PAX5: variants seen among roughly 807,000 people sequenced by gnomAD.
PAX5 encodes paired box 5.
Under a neutral mutation model 43.7 loss-of-function variants are expected in PAX5, and 9 were observed. That is an observed-to-expected ratio of 0.21 (90% confidence interval 0.12 to 0.36). The LOEUF (loss-of-function observed/expected upper bound fraction) is 0.36, where lower values mean the gene tolerates loss of function less well. Ranked by LOEUF, PAX5 falls within the 10% of genes least tolerant of loss-of-function variation. The pLI is 1.00. For missense variants in PAX5, 383 were observed against 532.7 expected, an observed-to-expected ratio of 0.72 and a Z score of 2.77; for synonymous variants, 228 against 214.3, an observed-to-expected ratio of 1.06 and a Z score of -0.56.
intron 6 of PAX5, among the ~76,000 whole-genome samples, chr9:36,965,686 C>G (rs1834365478): frequency 6.6e-6 from 1 of 152,192 alleles, no homozygotes; most frequent in Non-Finnish European, 1.5e-5. Flanking sequence ...CCACTAGTAC[C>G]AGCGAGGAAA....
At chr9:36,858,662 C>T (rs926265889) in intron 8 of PAX5, among the ~76,000 whole-genome samples, 1 of 152,316 alleles carries the variant, frequency 6.6e-6, no homozygotes, top group East Asian at 1.9e-4. Flanking sequence ...CTATTACTGG[C>T]TCCCAGCCTC....
At chr9:36,966,157 C>T (rs938639896) in intron 6 of PAX5, among the ~76,000 whole-genome samples, 5 of 152,224 alleles carry the variant, frequency 3.3e-5, no homozygotes, top group African/African-American at 1.2e-4. Context: ...GCCGGTGAGC[C>T]CCCAGGCCGC....
chr9:36,920,206 A>G (rs1830053542), intron 7 of PAX5, among the ~76,000 whole-genome samples: 1 of 152,276 alleles, frequency 6.6e-6, no homozygotes, highest in South Asian at 2.1e-4. Flanking sequence ...AATATTCCAT[A>G]AACTTAGTTG....
At chr9:37,023,382 G>C (rs1460468645) in intron 1 of PAX5, among the ~76,000 whole-genome samples, 1 of 152,172 alleles carries the variant, frequency 6.6e-6, no homozygotes, top group Admixed American at 6.5e-5. Context: ...CCAAGTCCCA[G>C]CCTGTACTTC....
chr9:36,873,841 C>G (rs1442373302), intron 8 of PAX5, among the ~76,000 whole-genome samples: 1 of 152,170 alleles, frequency 6.6e-6, no homozygotes, highest in Non-Finnish European at 1.5e-5. Flanking sequence ...AAAAGGTGGC[C>G]CTCTGAATCC....
At chr9:36,961,986 C>T (rs541188697) in intron 6 of PAX5, among the ~76,000 whole-genome samples, 95 of 152,336 alleles carry the variant, frequency 6.2e-4, no homozygotes, top group African/African-American at 2.2e-3. Flanking sequence ...AACATTAACG[C>T]CTTCCACCCA....
chr9:36,909,562 G>C (rs567900909), intron 7 of PAX5, among the ~76,000 whole-genome samples: 2 of 152,202 alleles, frequency 1.3e-5, no homozygotes, highest in African/African-American at 4.8e-5. Context: ...TGTTGGGCAG[G>C]AATGAAGGTA....
chr9:36,968,288 C>T (rs924924446), intron 5 of PAX5, among the ~76,000 whole-genome samples: 2 of 152,236 alleles, frequency 1.3e-5, no homozygotes, highest in African/African-American at 4.8e-5. Flanking sequence ...AGCTCCCACC[C>T]ATGTGAGGAA....
At chr9:36,887,891 T>C (rs1360678813) in intron 7 of PAX5, among the ~76,000 whole-genome samples, 1 of 152,010 alleles carries the variant, frequency 6.6e-6, no homozygotes. Flanking sequence ...ATAAAGGACT[T>C]GTATCTAGAA....
chr9:36,994,136 C>T (rs1837188462), intron 5 of PAX5, among the ~76,000 whole-genome samples: 1 of 152,194 alleles, frequency 6.6e-6, no homozygotes, highest in South Asian at 2.1e-4. Context: ...CCAGGAGCCC[C>T]TCCAATTGGC....
At position 37,003,154 on chromosome 9, in the gene PAX5, TAAAAAAAAAAA is replaced by T. The variant is rs67081521; in HGVS notation, c.476-389_476-379del. Among the ~76,000 whole-genome samples the T allele has an allele frequency of 6.6e-5, 5 of 75,830 alleles. No homozygotes were observed. In the East Asian group the frequency reaches 1.8e-3, roughly 27 times the overall value. 49.7% of individuals were successfully genotyped at this position (75,830 alleles called of 152,430 possible). On this transcript the variant is annotated intron_variant, in intron 4 of 9. Transcript: ENST00000358127. ...CCGGGGCCCACCAACAGTCAGTGCT[TAAAAAAAAAAA>T]AAAAAAAAAAAAAAAACCTGAACTA... is the stretch of plus-strand genomic sequence containing the variant.
At chr9:36,913,010 C>A (rs1232468945) in intron 7 of PAX5, among the ~76,000 whole-genome samples, 2 of 152,200 alleles carry the variant, frequency 1.3e-5, no homozygotes, top group Non-Finnish European at 2.9e-5. Flanking sequence ...GACTCCTGTT[C>A]CAGTGCTCTT....
intron 6 of PAX5, among the ~76,000 whole-genome samples, chr9:36,936,009 C>T (rs1051220600): frequency 1.3e-5 from 2 of 152,250 alleles, no homozygotes; most frequent in African/African-American, 4.8e-5. Flanking sequence ...TAGAACCTGA[C>T]TGATTCATAC....
At chr9:36,926,912 G>A (rs535432958) in intron 6 of PAX5, among the ~76,000 whole-genome samples, 2 of 152,302 alleles carry the variant, frequency 1.3e-5, no homozygotes, top group Non-Finnish European at 2.9e-5. Context: ...AGTCATTAAT[G>A]TATATGGGGC....
At chr9:36,841,084 A>G (rs1822008132) in intron 9 of PAX5, among the ~76,000 whole-genome samples, 1 of 152,236 alleles carries the variant, frequency 6.6e-6, no homozygotes, top group Non-Finnish European at 1.5e-5. Flanking sequence ...AGATAAAAAC[A>G]TGAAAAGCAT....
intron 8 of PAX5, among the ~76,000 whole-genome samples, chr9:36,868,980 G>A (rs973967038): frequency 1.3e-5 from 2 of 152,224 alleles, no homozygotes; most frequent in African/African-American, 2.4e-5. Context: ...ATGAGCTTAC[G>A]GGCATGGGTG....
At chr9:36,842,042 A>C (rs10758403) in intron 9 of PAX5, among the ~76,000 whole-genome samples, 148,961 of 152,248 alleles carry the variant, frequency 0.98, 72,947 homozygotes, top group East Asian at 1. Flanking sequence ...CCTCCCCATC[A>C]CCCCAAGGAG....
At chr9:36,972,936 GA>G (rs1229577491) in intron 5 of PAX5, among the ~76,000 whole-genome samples, 3 of 151,806 alleles carry the variant, frequency 2.0e-5, no homozygotes, top group Non-Finnish European at 4.4e-5. Context: ...GCTGAGGCAC[GA>G]GAATCTCTTG....
chr9:36,897,309 C>A (rs1301328093), intron 7 of PAX5, among the ~76,000 whole-genome samples: 2 of 152,126 alleles, frequency 1.3e-5, no homozygotes, highest in Non-Finnish European at 2.9e-5. Context: ...TCAGGGAGCA[C>A]CGGAGCTCGA....
Sources: gnomAD v4.1 joint callset for allele counts (sites outside exome capture counted in the v4.1 genomes callset) on GRCh38, gnomAD v4.1.1 for gene constraint, MANE v1.5 for transcripts, NCBI Gene and HGNC (gene_info 2026-07-23, HGNC 2026-07-21) for gene names.